ADAMTS2: variants seen among roughly 807,000 people sequenced by gnomAD.
ADAMTS2 encodes the protein A disintegrin and metalloproteinase with thrombospondin motifs 2.
A neutral mutation model predicts 123.0 loss-of-function variants in ADAMTS2; 50 were observed. The ratio of observed to expected loss-of-function variants is 0.41; its 90% CI spans 0.32 to 0.51. The LOEUF is 0.51. Among genes scored for constraint, ADAMTS2 ranks in the 20% least tolerant of loss-of-function variants. The pLI, the probability that ADAMTS2 is intolerant of heterozygous loss-of-function variation, is 0.35. For missense variants in ADAMTS2, 1,494 were observed against 1,705.2 expected, an observed-to-expected ratio of 0.88 and a Z score of 2.18; for synonymous variants, 678 against 695.4, an observed-to-expected ratio of 0.98 and a Z score of 0.39.
At chr5:179,232,924 A>G (rs1765440949) in intron 3 of ADAMTS2, among the ~76,000 whole-genome samples, 1 of 152,198 alleles carries the variant, frequency 6.6e-6, no homozygotes, top group Non-Finnish European at 1.5e-5. Context: ...ACTAATTACA[A>G]GCATAAAATA....
Position 179,285,738 on chromosome 5 carries a change from A to T in ADAMTS2, c.535-12674T>A, listed in dbSNP as rs1756002062. ...ACAAATTAACATTCACATAAATAAC[A>T]GGGCGCTCTCTACTAAAGAAGAAAA... is the stretch of plus-strand genomic sequence containing the variant. On this transcript the variant is annotated intron_variant, in intron 2 of 21. Transcript: ENST00000251582. The surrounding 1 kb of genome is among the most constrained non-coding windows in gnomAD (Gnocchi z 4.9). 6.6e-6 allele frequency among the ~76,000 whole-genome samples: 1 copy of T among 152,222 alleles called. No homozygotes were observed. The highest frequency in any genetic ancestry group is 6.5e-5 in the Admixed American group (1 of 15,286).
rs144235544 is a variant in ADAMTS2, at chr5:179,207,615, G to C, written c.789C>G (p.Asp263Glu). The C allele has an allele frequency of 6.2e-7, 1 of 1,613,844 alleles. No individual in the cohort carries two copies. Among genetic ancestry groups the C allele is most frequent in the Non-Finnish European group, 8.5e-7 (1 of 1,180,032 alleles). The change falls in exon 4 of 22, where the codon GAC becomes GAG. Residue 263 changes from aspartate to glutamate, a missense_variant. Physicochemically the swap from Asp to Glu is conservative, Grantham distance 45. Transcript: ENST00000251582. ...SRRRARRHAA[D>E]DDYNIEVLLG... Reference sequence around the variant, plus strand: ...GCAGGACCTCGATGTTGTAGTCATCGTCCGCAGCATGCCTGCGTGCCCTCC... The same window carrying C: ...GCAGGACCTCGATGTTGTAGTCATCCTCCGCAGCATGCCTGCGTGCCCTCC...
intron 11 of ADAMTS2, 143 bp downstream of exon 11, chr5:179,139,747 G>A (rs1194442245): frequency 2.4e-6 from 3 of 1,262,138 alleles, no homozygotes; most frequent in Non-Finnish European, 3.3e-6. Flanking sequence ...CAGGTAGGGT[G>A]AGGCAGGCGG....
At chr5:179,164,023 G>A (rs983843040) in intron 5 of ADAMTS2, among the ~76,000 whole-genome samples, 8 of 152,182 alleles carry the variant, frequency 5.3e-5, no homozygotes, top group Non-Finnish European at 1.0e-4. Context: ...CTAGACCCTG[G>A]GAGCCTGGGT....
chr5:179,132,763 A>AG lies in ADAMTS2; in HGVS notation c.2209+13dup. The AG allele has an allele frequency of 6.2e-7, 1 of 1,614,020 alleles. No individual in the cohort carries two copies. Among genetic ancestry groups the AG allele is most frequent in the Non-Finnish European group, 8.5e-7 (1 of 1,179,964 alleles). Reference sequence around the variant, plus strand: ...GCATCCAGGCTCCAGGGTGGAGAGCAGGGACCCACTCACCATGCTTCTTGG... The same window carrying AG: ...GCATCCAGGCTCCAGGGTGGAGAGCAGGGGACCCACTCACCATGCTTCTTGG... On this transcript the variant is annotated intron_variant, in intron 14 of 21. Coordinates refer to ENST00000251582, the MANE Select transcript of ADAMTS2 (RefSeq NM_014244.5). This position sits in a 1 kb window ranked among gnomAD's most constrained non-coding sequence, Gnocchi z 6.1.
intron 11 of ADAMTS2, among the ~76,000 whole-genome samples, chr5:179,139,543 C>T (rs183524767): frequency 5.3e-5 from 8 of 152,100 alleles, no homozygotes; most frequent in Admixed American, 3.9e-4. Flanking sequence ...GTGCTAGCAT[C>T]GGGGGGGCTG....
intron 2 of ADAMTS2, among the ~76,000 whole-genome samples, chr5:179,322,397 T>C (rs114962475): frequency 0.014 from 2,138 of 152,164 alleles, 22 homozygotes; most frequent in Admixed American, 0.02. Flanking sequence ...CCGCCCATGG[T>C]CACACAGGAG....
At chr5:179,134,725 G>GGCTCCA (rs199676100) in intron 13 of ADAMTS2, among the ~76,000 whole-genome samples, 5,070 of 113,802 alleles carry the variant, frequency 0.045, 425 homozygotes, top group Non-Finnish European at 0.074. Context: ...GCACCCTCCC[G>GGCTCCA]GCTCCAGCTC....
intron 2 of ADAMTS2, among the ~76,000 whole-genome samples, chr5:179,282,816 C>T (rs1209160117): frequency 1.3e-5 from 2 of 152,168 alleles, no homozygotes; most frequent in Non-Finnish European, 2.9e-5. Flanking sequence ...GGCTCACACC[C>T]TGTAATCCCA....
At position 179,229,499 on chromosome 5, in the gene ADAMTS2, T is replaced by C. The variant is rs116224941; in HGVS notation, c.689-21784A>G. On this transcript the variant is annotated intron_variant, in intron 3 of 21. Coordinates refer to ENST00000251582, the MANE Select transcript of ADAMTS2 (RefSeq NM_014244.5). ...CACAAACATGAGACCCCGCTGCCCA[T>C]TCCCGACGGAGAGGTAATTCCAGGT... Among the ~76,000 whole-genome samples the C allele has an allele frequency of 2.8e-3, 382 of 137,738 alleles. 10 individuals carry two copies. The highest frequency in any genetic ancestry group is 0.01 in the African/African-American group (338 of 33,350). 90.4% of individuals were successfully genotyped at this position (137,738 alleles called of 152,430 possible).
chr5:179,287,793 G>A (rs2113538623), intron 2 of ADAMTS2, among the ~76,000 whole-genome samples: 1 of 152,332 alleles, frequency 6.6e-6, no homozygotes, highest in Middle Eastern at 3.4e-3. Flanking sequence ...CAAGGGCCCA[G>A]CTGCCTGGCT....
rs1364953404 is a variant in ADAMTS2 at position 179,225,152 on chromosome 5, C to T, written c.689-17437G>A. 6.6e-6 allele frequency among the ~76,000 whole-genome samples: 1 copy of T among 152,208 alleles called. No individual in the cohort carries two copies. The highest frequency in any genetic ancestry group is 1.5e-5 in the Non-Finnish European group (1 of 68,038). On this transcript the variant is annotated intron_variant, in intron 3 of 21. Transcript: ENST00000251582. This position sits in a 1 kb window ranked among gnomAD's most constrained non-coding sequence, Gnocchi z 4.5. ...CACACGGCAACTAACACTCAGCACG[C>T]ACCAGGCTCCTCCTCCCTCTCATGG...
chr5:179,175,117 A>T lies in ADAMTS2; in HGVS notation c.975+5955T>A, dbSNP rs560952143. Among the ~76,000 whole-genome samples, 3 of 145,596 alleles carry T rather than the reference A, an allele frequency of 2.1e-5. No individual in the cohort carries two copies. Among genetic ancestry groups the T allele is most frequent in the African/African-American group, 7.8e-5 (3 of 38,298 alleles). ...TCCGCAGCTGTCTCAGCCATTCTTG[A>T]CTGTTCATGTTCCTTTGGAGGAAGT... On this transcript the variant is annotated intron_variant, in intron 5 of 21. Transcript: ENST00000251582. This position sits in a 1 kb window ranked among gnomAD's most constrained non-coding sequence, Gnocchi z 4.1.
Position 179,256,987 on chromosome 5 carries a change from C to T in ADAMTS2, c.688+15924G>A, listed in dbSNP as rs1036664204. On this transcript the variant is annotated intron_variant, in intron 3 of 21. Transcript: ENST00000251582. The surrounding 1 kb of genome is among the most constrained non-coding windows in gnomAD (Gnocchi z 4.1). ...GCAAGGACTCCGCAGGCCAGGCCCA[C>T]ACTGGCGGCCCCGGCTGCCTGGCCC... Among the ~76,000 whole-genome samples the T allele has an allele frequency of 9.2e-5, 14 of 152,254 alleles. No individual in the cohort carries two copies. The highest frequency in any genetic ancestry group is 2.9e-4 in the African/African-American group (12 of 41,474).
At chr5:179,258,883 T>C (rs147857564) in intron 3 of ADAMTS2, among the ~76,000 whole-genome samples, 1 of 152,250 alleles carries the variant, frequency 6.6e-6, no homozygotes, top group Non-Finnish European at 1.5e-5. Flanking sequence ...GACCAACCTG[T>C]GGACTGCCTA....
chr5:179,291,856 C>G (rs1313054724), intron 2 of ADAMTS2, among the ~76,000 whole-genome samples: 1 of 151,648 alleles, frequency 6.6e-6, no homozygotes, highest in Non-Finnish European at 1.5e-5. Flanking sequence ...CCCAACTCAG[C>G]CTCCCAAGTA....
At chr5:179,298,812 T>C (rs1756417690) in intron 2 of ADAMTS2, among the ~76,000 whole-genome samples, 1 of 152,212 alleles carries the variant, frequency 6.6e-6, no homozygotes, top group Non-Finnish European at 1.5e-5. Flanking sequence ...AACCCAGAGA[T>C]GCTAAGGTCT....
intron 3 of ADAMTS2, among the ~76,000 whole-genome samples, chr5:179,261,092 C>T (rs340121): frequency 0.58 from 87,601 of 151,988 alleles, 28,008 homozygotes; most frequent in East Asian, 0.8. Flanking sequence ...AGAGGAACTA[C>T]GGCCTGGGGA....
chr5:179,211,756 A>G (rs1448411096), intron 3 of ADAMTS2, among the ~76,000 whole-genome samples: 1 of 152,208 alleles, frequency 6.6e-6, no homozygotes, highest in Non-Finnish European at 1.5e-5. Flanking sequence ...GCCACAGTGC[A>G]CAGGGCACGT....
Sources: gnomAD v4.1 joint callset for allele counts (sites outside exome capture counted in the v4.1 genomes callset) on GRCh38, gnomAD v4.1.1 for gene constraint, Gnocchi (gnomAD v3.1) non-coding constraint, MANE v1.5 for transcripts, NCBI Gene and HGNC (gene_info 2026-07-23, HGNC 2026-07-21) for gene names.